Variants in DNAL1 observed in about 807,000 individuals in gnomAD.
The protein encoded by DNAL1 is chromosome 14 open reading frame 168.
DNAL1 carries 17 observed loss-of-function variants against 29.4 expected under a neutral mutation model. The observed-to-expected ratio is 0.58, with a 90% confidence interval of 0.40 to 0.87. The LOEUF is 0.87. Among genes scored for constraint, DNAL1 ranks in the 40% least tolerant of loss-of-function variants. The probability of loss-of-function intolerance (pLI) is 0.00; values close to 1 mark genes in which losing one functional copy is unlikely to be tolerated. For synonymous variants in DNAL1, 78 were observed against 76.3 expected, an observed-to-expected ratio of 1.02 and a Z score of -0.12; for missense variants, 188 against 214.1, an observed-to-expected ratio of 0.88 and a Z score of 0.76.
chr14:73,680,601 C>A (rs1421389615), intron 5 of DNAL1, among the ~76,000 whole-genome samples: 2 of 152,130 alleles, frequency 1.3e-5, no homozygotes, highest in East Asian at 3.9e-4. Flanking sequence ...ATGATCAAAC[C>A]AAGGTGATTA....
At chr14:73,690,050 A>G (rs993721619) in intron 7 of DNAL1, among the ~76,000 whole-genome samples, 2 of 131,378 alleles carry the variant, frequency 1.5e-5, no homozygotes, top group Non-Finnish European at 3.2e-5. Flanking sequence ...AAAAAAAAAA[A>G]AGAAAAGAAA....
chr14:73,663,149 T>C (rs1891394009), intron 4 of DNAL1, among the ~76,000 whole-genome samples: 1 of 152,054 alleles, frequency 6.6e-6, no homozygotes, highest in Non-Finnish European at 1.5e-5. Flanking sequence ...ACATATAAAC[T>C]TGAATAAAGT....
At chr14:73,691,849 C>G (rs557379393) in intron 7 of DNAL1, among the ~76,000 whole-genome samples, 23 of 78,792 alleles carry the variant, frequency 2.9e-4, no homozygotes, top group African/African-American at 5.3e-4. Context: ...GTGCGCCACC[C>G]CCCCCCCCCA....
intron 5 of DNAL1, among the ~76,000 whole-genome samples, chr14:73,679,350 C>A (rs147869974): frequency 1.8e-4 from 27 of 152,212 alleles, no homozygotes; most frequent in African/African-American, 6.3e-4. Flanking sequence ...ATTTTTAATA[C>A]TCTTTCTGTT....
intron 3 of DNAL1, among the ~76,000 whole-genome samples, chr14:73,661,035 A>G (rs1302254707): frequency 1.3e-5 from 2 of 152,152 alleles, no homozygotes; most frequent in Non-Finnish European, 2.9e-5. Context: ...CCTGACTCGC[A>G]CACTCATAAT....
intron 4 of DNAL1, among the ~76,000 whole-genome samples, chr14:73,667,072 T>G (rs1168281230): frequency 6.6e-6 from 1 of 152,094 alleles, no homozygotes; most frequent in Non-Finnish European, 1.5e-5. Flanking sequence ...GTCCTCTGAA[T>G]TGCAGATTCA....
intron 5 of DNAL1, among the ~76,000 whole-genome samples, chr14:73,686,051 A>G (rs186009477): frequency 9.5e-4 from 145 of 152,072 alleles, no homozygotes; most frequent in Non-Finnish European, 1.8e-3. Context: ...GCACCATTTT[A>G]CCTCCCTGCC....
At chr14:73,667,586 C>T (rs1464337559) in intron 4 of DNAL1, among the ~76,000 whole-genome samples, 1 of 152,140 alleles carries the variant, frequency 6.6e-6, no homozygotes, top group East Asian at 1.9e-4. Context: ...GCAACCTCTA[C>T]CTCCTGGGCT....
At chr14:73,680,236 C>T (rs1294628372) in intron 5 of DNAL1, among the ~76,000 whole-genome samples, 1 of 152,128 alleles carries the variant, frequency 6.6e-6, no homozygotes, top group East Asian at 1.9e-4. Context: ...TTCCTCAATG[C>T]ATAGTATTAA....
intron 2 of DNAL1, among the ~76,000 whole-genome samples, chr14:73,656,187 G>T (rs1595202945): frequency 1.3e-5 from 2 of 151,768 alleles, no homozygotes; most frequent in African/African-American, 4.8e-5. Flanking sequence ...TGAAATACTT[G>T]AATTCTTGTT....
At position 73,696,684 on chromosome 14, in the gene DNAL1, A is replaced by G. The variant is rs1160295855; in HGVS notation, c.*742A>G. 3.3e-5 allele frequency: 5 copies of G among 152,304 alleles called. No individual in the cohort carries two copies. The highest frequency in any genetic ancestry group is 4.8e-5 in the African/African-American group (2 of 41,568). 9.4% of individuals were successfully genotyped at this position (152,304 alleles called of 1,614,324 possible). A position where few individuals can be genotyped will look rare whatever the true frequency, so the allele number is the denominator to read the frequency against. ...CATTTCTTTGACTGATAATGTGGCA[A>G]TGTTACTCATGTGGACCTCGCCTTA... On this transcript the variant is annotated 3_prime_UTR_variant, in exon 8 of 8. Transcript: ENST00000553645.
chr14:73,676,833 T>G (rs893767198), intron 5 of DNAL1, among the ~76,000 whole-genome samples: 2 of 152,156 alleles, frequency 1.3e-5, no homozygotes, highest in Non-Finnish European at 2.9e-5. Flanking sequence ...GCTGAGGATA[T>G]TTTTGTGCCT....
chr14:73,681,536 G>A (rs1891874961), intron 5 of DNAL1, among the ~76,000 whole-genome samples: 1 of 146,902 alleles, frequency 6.8e-6, no homozygotes, highest in Non-Finnish European at 1.5e-5. Context: ...AGGAGGCTGA[G>A]GCGGTGGGAT....
At chr14:73,663,363 G>A (rs1362915942) in intron 4 of DNAL1, among the ~76,000 whole-genome samples, 2 of 151,622 alleles carry the variant, frequency 1.3e-5, no homozygotes, top group African/African-American at 2.4e-5. Context: ...CCACCGCCAC[G>A]CCTGGCTAAT....
At position 73,689,432 on chromosome 14, in the gene DNAL1, A is replaced by G. The variant is rs387907021; in HGVS notation, c.449A>G (p.Asn150Ser). ...CTCGAAGACCTGGTGTTTGTAGGCAATCCCTTGGAAGAGAAACATTCTGCT... is the reference window on the plus strand; with the variant it reads ...CTCGAAGACCTGGTGTTTGTAGGCAGTCCCTTGGAAGAGAAACATTCTGCT... Reference protein sequence around the residue: ...PCLEDLVFVGNPLEEKHSAEN... With the variant: ...PCLEDLVFVGSPLEEKHSAEN... The change falls in exon 7 of 8, where the codon AAT becomes AGT. Residue 150 changes from asparagine (N) to serine (S), a missense_variant. Physicochemically the swap from Asn to Ser is conservative, Grantham distance 46. Transcript: ENST00000553645. 1 of 1,559,236 alleles carries G rather than the reference A, an allele frequency of 6.4e-7. No individual in the cohort carries two copies. The highest frequency in any genetic ancestry group is 1.7e-4 in the Middle Eastern group (1 of 6,006).
chr14:73,657,698 A>G (rs1248333635), intron 2 of DNAL1, among the ~76,000 whole-genome samples: 2 of 152,096 alleles, frequency 1.3e-5, no homozygotes, highest in Admixed American at 6.5e-5. Context: ...GGTTCAAGCA[A>G]TTCTCCTGCC....
rs572918608 is a variant in DNAL1 at position 73,699,337 on chromosome 14, G to A, written c.*3395G>A. 8 of 148,890 alleles carry A rather than the reference G, an allele frequency of 5.4e-5. No homozygotes were observed. Among genetic ancestry groups the A allele is most frequent in the Non-Finnish European group, 1.0e-4 (7 of 67,534 alleles). The allele number at this position is 148,890 out of a possible 1,614,324, so 9.2% of individuals were successfully genotyped here. ...TTTTTTTTTTTTGAGACAGAGTCTCGCTCTGTTACCTAGGCTGGAGTGCAG... is the reference window on the plus strand; with the variant it reads ...TTTTTTTTTTTTGAGACAGAGTCTCACTCTGTTACCTAGGCTGGAGTGCAG... On this transcript the variant is annotated 3_prime_UTR_variant, in exon 8 of 8. Transcript: ENST00000553645.
rs78507581 is a variant in DNAL1, at chr14:73,651,620, G to A, written c.4-3227G>A. ...TTTTATAGAAATGTATGCCTTGTCT[G>A]GGTTTTAAACCTTATTGCCATATGT... On this transcript the variant is annotated intron_variant, in intron 1 of 7. Transcript: ENST00000553645. Among the ~76,000 whole-genome samples, 1,227 of 152,222 alleles carry A rather than the reference G, an allele frequency of 8.1e-3. 23 individuals are homozygous for A. Among genetic ancestry groups the A allele is most frequent in the African/African-American group, 0.028 (1,164 of 41,538 alleles).
At chr14:73,653,129 T>C (rs1002451712) in intron 1 of DNAL1, 1 of 152,176 alleles carries the variant, frequency 6.6e-6, no homozygotes, top group African/African-American at 2.4e-5. Flanking sequence ...TTTATGCAAA[T>C]AAAGGATTCA....
Sources: allele counts gnomAD v4.1 joint callset (sites outside exome capture counted in the v4.1 genomes callset), GRCh38; gene constraint gnomAD v4.1.1; transcripts MANE v1.5; gene names NCBI Gene and HGNC (gene_info 2026-07-23, HGNC 2026-07-21).